Variants in PDZRN4 observed in about 807,000 individuals in gnomAD.
PDZRN4 encodes PDZ domain containing ring finger 4.
PDZRN4 carries 70 observed loss-of-function variants against 99.0 expected under a neutral mutation model. The ratio of observed to expected loss-of-function variants is 0.71; its 90% CI spans 0.58 to 0.86. The LOEUF is 0.86. Among genes scored for constraint, PDZRN4 ranks in the 40% least tolerant of loss-of-function variants. The pLI is 0.00. For missense variants in PDZRN4, 1,474 were observed against 1,331.2 expected (o/e 1.11, Z -1.67); for synonymous variants, 551 against 501.6 (o/e 1.10, Z -1.32).
intron 3 of PDZRN4, among the ~76,000 whole-genome samples, chr12:41,199,468 A>T (rs1325340427): frequency 6.6e-6 from 1 of 152,190 alleles, no homozygotes; most frequent in Non-Finnish European, 1.5e-5. Flanking sequence ...AAAGGATTAA[A>T]AATAAAGCTA....
At chr12:41,302,949 C>CAT (rs1951545992) in intron 3 of PDZRN4, among the ~76,000 whole-genome samples, 1 of 128,982 alleles carries the variant, frequency 7.8e-6, no homozygotes, top group East Asian at 2.3e-4. Context: ...CACACACACA[C>CAT]ACACACACAC....
At chr12:41,217,276 T>C (rs543303537) in intron 3 of PDZRN4, among the ~76,000 whole-genome samples, 27 of 152,064 alleles carry the variant, frequency 1.8e-4, no homozygotes, top group Non-Finnish European at 3.2e-4. Flanking sequence ...GCTGGCTTCA[T>C]GGGTGATTAC....
intron 3 of PDZRN4, among the ~76,000 whole-genome samples, chr12:41,370,085 C>T (rs1045193046): frequency 3.3e-5 from 5 of 151,820 alleles, no homozygotes; most frequent in African/African-American, 1.2e-4. Context: ...ATTAATTTCC[C>T]CCTTGTTTAA....
chr12:41,300,643 AG>A (rs1343159399), intron 3 of PDZRN4, among the ~76,000 whole-genome samples: 3 of 151,962 alleles, frequency 2.0e-5, no homozygotes, highest in Non-Finnish European at 4.4e-5. Context: ...GTGTACATTA[AG>A]GAAATAAAAA....
chr12:41,400,000 G>A (rs147417918), intron 3 of PDZRN4, among the ~76,000 whole-genome samples: 127 of 152,146 alleles, frequency 8.3e-4, no homozygotes, highest in African/African-American at 3.0e-3. Context: ...CCTCTGTACC[G>A]GCTTCATATG....
intron 3 of PDZRN4, among the ~76,000 whole-genome samples, chr12:41,460,404 C>T (rs7133340): frequency 0.2 from 30,802 of 151,988 alleles, 4,045 homozygotes; most frequent in African/African-American, 0.38. Flanking sequence ...ATTTCCTGAA[C>T]GAAACTTCCT....
At chr12:41,429,430 G>A (rs1236899900) in intron 3 of PDZRN4, among the ~76,000 whole-genome samples, 1 of 152,200 alleles carries the variant, frequency 6.6e-6, no homozygotes, top group Non-Finnish European at 1.5e-5. Context: ...CCATGCTTGA[G>A]GACACAACAG....
chr12:41,453,507 G>T (rs1046370055), intron 3 of PDZRN4, among the ~76,000 whole-genome samples: 3 of 152,154 alleles, frequency 2.0e-5, no homozygotes, highest in Non-Finnish European at 4.4e-5. Context: ...ATTGTGTCTG[G>T]AGATTGATTT....
chr12:41,257,820 T>C (rs556781622), intron 3 of PDZRN4, among the ~76,000 whole-genome samples: 1 of 152,322 alleles, frequency 6.6e-6, no homozygotes, highest in South Asian at 2.1e-4. Context: ...ATTCACTCAT[T>C]TTTATTTGTC....
At chr12:41,545,866 G>A (rs1272780092) in intron 5 of PDZRN4, among the ~76,000 whole-genome samples, 2 of 152,074 alleles carry the variant, frequency 1.3e-5, no homozygotes, top group East Asian at 3.9e-4. Context: ...AGAAGGGCAT[G>A]GTAGCAGAAC....
intron 3 of PDZRN4, among the ~76,000 whole-genome samples, chr12:41,307,931 C>A (rs1327404734): frequency 6.6e-6 from 1 of 151,988 alleles, no homozygotes; most frequent in South Asian, 2.1e-4. Flanking sequence ...AAAAAAACAA[C>A]AACTTTATAT....
chr12:41,324,719 C>T (rs1300417527), intron 3 of PDZRN4, among the ~76,000 whole-genome samples: 1 of 151,968 alleles, frequency 6.6e-6, no homozygotes. Flanking sequence ...ACATAGTAGT[C>T]AATAGTCACA....
intron 3 of PDZRN4, among the ~76,000 whole-genome samples, chr12:41,228,960 G>A (rs751016577): frequency 4.0e-5 from 6 of 151,856 alleles, no homozygotes; most frequent in Non-Finnish European, 5.9e-5. Context: ...GGGATTTAAC[G>A]CTTAGATTCT....
intron 5 of PDZRN4, among the ~76,000 whole-genome samples, chr12:41,545,083 T>C (rs1303424789): frequency 6.6e-6 from 1 of 152,244 alleles, no homozygotes; most frequent in Admixed American, 6.5e-5. Context: ...CCCACTATGC[T>C]AGTGCTGAAG....
chr12:41,418,555 G>A (rs966392458), intron 3 of PDZRN4, among the ~76,000 whole-genome samples: 6 of 152,142 alleles, frequency 3.9e-5, no homozygotes, highest in African/African-American at 1.2e-4. Flanking sequence ...CTAAAAGCAA[G>A]CTTCATCTCT....
intron 3 of PDZRN4, among the ~76,000 whole-genome samples, chr12:41,263,546 G>T (rs1399949159): frequency 6.6e-6 from 1 of 152,150 alleles, no homozygotes; most frequent in East Asian, 1.9e-4. Flanking sequence ...AATTAGCTGA[G>T]CATGGTGGCA....
intron 3 of PDZRN4, among the ~76,000 whole-genome samples, chr12:41,346,056 A>G (rs1951851676): frequency 6.6e-6 from 1 of 152,148 alleles, no homozygotes; most frequent in African/African-American, 2.4e-5. Flanking sequence ...TCAATTTCCA[A>G]TTGTACAGAT....
At chr12:41,427,107 A>G (rs763184260) in intron 3 of PDZRN4, among the ~76,000 whole-genome samples, 5 of 152,198 alleles carry the variant, frequency 3.3e-5, no homozygotes, top group Non-Finnish European at 7.3e-5. Context: ...TCCTGTAACC[A>G]TATGGCTGTT....
intron 3 of PDZRN4, among the ~76,000 whole-genome samples, chr12:41,359,114 T>A (rs1429283707): frequency 6.6e-6 from 1 of 152,020 alleles, no homozygotes; most frequent in Non-Finnish European, 1.5e-5. Flanking sequence ...GCCTTTACAT[T>A]TCTCGTTCAG....
Sources: allele counts gnomAD v4.1 joint callset (sites outside exome capture counted in the v4.1 genomes callset), GRCh38; gene constraint gnomAD v4.1.1; transcripts MANE v1.5; gene names NCBI Gene and HGNC (gene_info 2026-07-23, HGNC 2026-07-21).